The following BRD4 variants were observed in gnomAD, a reference collection of about 807,000 sequenced individuals.
BRD4 encodes bromodomain-containing protein 4.
BRD4 carries 16 observed loss-of-function variants against 142.1 expected under a neutral mutation model. The observed-to-expected ratio is 0.11, with a 90% confidence interval of 0.08 to 0.17. BRD4 has a LOEUF of 0.17. Among genes scored for constraint, BRD4 ranks in the 10% least tolerant of loss-of-function variants. BRD4 has a pLI of 1.00. For synonymous variants in BRD4, 833 were observed against 707.5 expected, an observed-to-expected ratio of 1.18 and a Z score of -2.82; for missense variants, 1,424 against 1,810.9, an observed-to-expected ratio of 0.79 and a Z score of 3.88.
At chr19:15,244,208 C>T (rs1464251430) in intron 13 of BRD4, 23 bp downstream of exon 13, 2 of 1,544,032 alleles carry the variant, frequency 1.3e-6, no homozygotes, top group South Asian at 1.2e-5. Flanking sequence ...TCTCAACCCA[C>T]ACTGGGGCAG....
In BRD4 at chr19:15,238,357, C is replaced by G. The variant is rs2145496714; in HGVS notation, c.*20G>C. The G allele has an allele frequency of 6.2e-7, 1 of 1,613,748 alleles. No individual in the cohort carries two copies. The highest frequency in any genetic ancestry group is 8.5e-7 in the Non-Finnish European group (1 of 1,179,828). Reference sequence around the variant, plus strand: ...CAATGTTTTGCCAGAAAATCAAAGTCAGAAGCCACCTAGGTGCGCTCAGAA... The same window carrying G: ...CAATGTTTTGCCAGAAAATCAAAGTGAGAAGCCACCTAGGTGCGCTCAGAA... On this transcript the variant is annotated 3_prime_UTR_variant, in exon 20 of 20. Coordinates refer to ENST00000679869, the MANE Select transcript of BRD4 (RefSeq NM_001379291.1). The surrounding 1 kb of genome is among the most constrained non-coding windows in gnomAD (Gnocchi z 7.2).
chr19:15,297,331 T>A (rs1853528591), intron 1 of BRD4, among the ~76,000 whole-genome samples: 1 of 152,122 alleles, frequency 6.6e-6, no homozygotes, highest in African/African-American at 2.4e-5. Context: ...CAGTCCTAAA[T>A]CTACTTGAGA....
Position 15,254,180 on chromosome 19 carries a change from G to T in BRD4, c.2130C>A (p.Ser710Arg). 1 of 1,614,208 alleles carries T rather than the reference G, an allele frequency of 6.2e-7. No individual in the cohort carries two copies. The highest frequency in any genetic ancestry group is 8.5e-7 in the Non-Finnish European group (1 of 1,180,026). Residue 710 changes from serine (S) to arginine (R), a missense_variant, in exon 11 of 20, where the codon AGC (serine) becomes AGA (arginine). Transcript: ENST00000679869. ...TTTCGGAGTCTTCGCTGTCAGAGGA[G>T]CTGGACTCACTGGAGCTCTCCGACT... ...SSESESSSES[S>R]SSDSEDSETE...
At chr19:15,327,825 C>G (rs1267029818) in intron 1 of BRD4, among the ~76,000 whole-genome samples, 1 of 145,372 alleles carries the variant, frequency 6.9e-6, no homozygotes. Context: ...ACAGGCAGAT[C>G]CATAGAGACA....
chr19:15,238,509 C>T lies in BRD4; in HGVS notation c.4021-64G>A. ...TAGCCACCCTGCAGCTACAAGCCCT[C>T]ATACCCGCTACCAGCAGTCAGCCCC... On this transcript the variant is annotated intron_variant, in intron 19 of 19. Coordinates refer to ENST00000679869, the MANE Select transcript of BRD4 (RefSeq NM_001379291.1). The surrounding 1 kb of genome is among the most constrained non-coding windows in gnomAD (Gnocchi z 7.2). 1 of 1,610,660 alleles carries T rather than the reference C, an allele frequency of 6.2e-7. No homozygotes were observed. The highest frequency in any genetic ancestry group is 8.5e-7 in the Non-Finnish European group (1 of 1,178,780).
At chr19:15,285,826 A>C (rs1482819147) in intron 1 of BRD4, among the ~76,000 whole-genome samples, 1 of 152,216 alleles carries the variant, frequency 6.6e-6, no homozygotes, top group Non-Finnish European at 1.5e-5. Context: ...GGAGGACTTA[A>C]ATGGCCAGGG....
intron 10 of BRD4, among the ~76,000 whole-genome samples, 156 bp from the exon 11 acceptor site, chr19:15,254,418 A>T: frequency 6.6e-6 from 1 of 152,210 alleles, no homozygotes; most frequent in Non-Finnish European, 1.5e-5. Flanking sequence ...TGCCACTCCC[A>T]GAACCCACGT....
chr19:15,276,431 AC>A, intron 1 of BRD4, among the ~76,000 whole-genome samples: 1 of 150,326 alleles, frequency 6.7e-6, no homozygotes, highest in Non-Finnish European at 1.5e-5. Flanking sequence ...CAACCCTGTC[AC>A]CTTCAGCCTT....
chr19:15,312,518 G>C (rs529053816), intron 1 of BRD4, among the ~76,000 whole-genome samples: 2 of 152,242 alleles, frequency 1.3e-5, no homozygotes, highest in South Asian at 4.1e-4. Flanking sequence ...TGTAATCCCA[G>C]CTACTCAGGA....
rs762462881 is a variant in BRD4, at chr19:15,239,758, G to C, written c.3346C>G (p.His1116Asp). 6.2e-7 allele frequency: 1 copy of C among 1,610,500 alleles called. No homozygotes were observed. The highest frequency in any genetic ancestry group is 1.1e-5 in the South Asian group (1 of 91,078). ...GGCTCGCTGCGGATGATGGGTGAGT[G>C]GATCTTCTCCTCCTTCACCACCACG... The part of the protein sequence containing the change: ...PLVVVKEEKI[H>D]SPIIRSEPFS... The change falls in exon 16 of 20, where the codon CAC becomes GAC. Residue 1116 changes from histidine to aspartate, a missense_variant. This residue lies in a region of BRD4 where 598 missense variants were observed against 647.8 expected (regional missense o/e 0.92). Transcript: ENST00000679869. This position sits in a 1 kb window ranked among gnomAD's most constrained non-coding sequence, Gnocchi z 7.4.
intron 1 of BRD4, among the ~76,000 whole-genome samples, chr19:15,319,009 A>G (rs565307993): frequency 5.9e-5 from 9 of 152,296 alleles, no homozygotes; most frequent in Non-Finnish European, 1.5e-5. Flanking sequence ...TCCAAGTCAT[A>G]AAGTTGTAAA....
chr19:15,273,255 T>A (rs1402418090), intron 1 of BRD4, 122 bp from the exon 2 acceptor site: 5 of 983,492 alleles, frequency 5.1e-6, no homozygotes, highest in Non-Finnish European at 7.3e-6. Flanking sequence ...CTAGCCAAGT[T>A]GGCCAGAGGG....
chr19:15,263,492 T>G lies in BRD4; in HGVS notation c.1269A>C (p.Arg423=). Residue 423 remains arginine, a synonymous_variant, in exon 7 of 20, where the codon CGA becomes CGC. Coordinates refer to ENST00000679869, the MANE Select transcript of BRD4 (RefSeq NM_001379291.1). Reference sequence around the variant, plus strand: ...ACTTATAGCAGTTGGAGAACATCAATCGGACGTCAGCACCAAACTCCTGAG... The same window carrying G: ...ACTTATAGCAGTTGGAGAACATCAAGCGGACGTCAGCACCAAACTCCTGAG... ...RDAQEFGADV[R]LMFSNCYKYN... 6.2e-7 allele frequency: 1 copy of G among 1,614,118 alleles called. No homozygotes were observed. The highest frequency in any genetic ancestry group is 8.5e-7 in the Non-Finnish European group (1 of 1,180,028).
At chr19:15,289,140 A>T (rs2047762281) in intron 1 of BRD4, among the ~76,000 whole-genome samples, 1 of 152,210 alleles carries the variant, frequency 6.6e-6, no homozygotes, top group African/African-American at 2.4e-5. Context: ...GGGTTCTGAC[A>T]ACTAGTGCCC....
chr19:15,272,718 G>C lies in BRD4; in HGVS notation c.285+97C>G, dbSNP rs192083167. 2.7e-4 allele frequency: 313 copies of C among 1,176,250 alleles called. 2 individuals are homozygous for C. In the African/African-American group the frequency reaches 3.6e-3, roughly 14 times the overall value. The allele number at this position is 1,176,250 out of a possible 1,614,324, so 72.9% of individuals were successfully genotyped here. ...TGCAGCTCTCACCATGATTCCAAAT[G>C]CATCTCCTACCCTCCCCCCAGGAAC... On this transcript the variant is annotated intron_variant, in intron 2 of 19. Coordinates refer to ENST00000679869, the MANE Select transcript of BRD4 (RefSeq NM_001379291.1).
chr19:15,240,618 G>A (rs2047231212), intron 14 of BRD4, among the ~76,000 whole-genome samples: 1 of 152,208 alleles, frequency 6.6e-6, no homozygotes, highest in African/African-American at 2.4e-5. Context: ...AGGCGGAAAA[G>A]GGCCTGGAGC....
chr19:15,260,277 C>A (rs1299439677), intron 7 of BRD4, among the ~76,000 whole-genome samples: 1 of 152,134 alleles, frequency 6.6e-6, no homozygotes, highest in Admixed American at 6.5e-5. Flanking sequence ...CCAGATAATC[C>A]CACTTCTTGG....
At chr19:15,285,054 A>G (rs1267016358) in intron 1 of BRD4, among the ~76,000 whole-genome samples, 1 of 152,160 alleles carries the variant, frequency 6.6e-6, no homozygotes, top group African/African-American at 2.4e-5. Flanking sequence ...GCAGCCACTC[A>G]CAGAGCAGCC....
rs2047867542 is a variant in BRD4 at position 15,301,538 on chromosome 19, GGGCGACAGAGCAAGACTA to G, written c.-34-28423_-34-28406del. ...ATCGCACCACACTGCACTCCAGCCT[GGGCGACAGAGCAAGACTA>G]CGTCTCAAAACAAAAAAAAAAAAGG... On this transcript the variant is annotated intron_variant, in intron 1 of 19. Coordinates refer to ENST00000679869, the MANE Select transcript of BRD4 (RefSeq NM_001379291.1). 1.1e-4 allele frequency among the ~76,000 whole-genome samples: 16 copies of G among 151,096 alleles called. 1 individual carries two copies. The highest frequency in any genetic ancestry group is 1.1e-3 in the Admixed American group (16 of 15,140).
Sources: gnomAD v4.1 joint callset for allele counts (sites outside exome capture counted in the v4.1 genomes callset) on GRCh38, gnomAD v4.1.1 for gene constraint, gnomAD v4.1.1 regional missense constraint, Gnocchi (gnomAD v3.1) non-coding constraint, MANE v1.5 for transcripts, NCBI Gene and HGNC (gene_info 2026-07-23, HGNC 2026-07-21) for gene names.